Variants in MEI4 observed in about 807,000 individuals in gnomAD.
MEI4 encodes the protein meiotic double-stranded break formation protein 4, also known as meiosis-specific protein MEI4.
MEI4 carries 27 observed loss-of-function variants against 31.4 expected under a neutral mutation model. The ratio of observed to expected loss-of-function variants is 0.86; its 90% CI spans 0.63 to 1.19. The LOEUF is 1.19. MEI4 is among the 50% of genes most tolerant of loss of function. The pLI is 0.00. For synonymous variants in MEI4, 122 were observed against 145.4 expected (o/e 0.84, Z 1.16); for missense variants, 329 against 398.9 (o/e 0.82, Z 1.49).
intron 2 of MEI4, among the ~76,000 whole-genome samples, chr6:77,694,212 T>C (rs188534051): frequency 1.2e-3 from 186 of 152,092 alleles, no homozygotes; most frequent in African/African-American, 4.3e-3. Context: ...CAAATGTAAC[T>C]GGGTGCCTGG....
rs538643700 is a variant in MEI4, at chr6:77,917,742, C to A, written c.901-5347C>A. Among the ~76,000 whole-genome samples the A allele has an allele frequency of 9.0e-3, 1,352 of 149,902 alleles. 17 individuals are homozygous for A. The highest frequency in any genetic ancestry group is 0.031 in the African/African-American group (1,249 of 40,302). ...TGCCTGTTCACTCTGATGGTAGTTT[C>A]TTTTGCTGTGCAGAAGCTCTTTAGT... On this transcript the variant is annotated intron_variant, in intron 4 of 4. Coordinates refer to ENST00000684080, the MANE Select transcript of MEI4 (RefSeq NM_001322247.2).
intron 3 of MEI4, among the ~76,000 whole-genome samples, chr6:77,792,606 T>G (rs1768966959): frequency 6.6e-6 from 1 of 152,232 alleles, no homozygotes. Context: ...TTTTACATTT[T>G]TTGTCTTATG....
At chr6:77,714,840 T>G (rs115937542) in intron 2 of MEI4, among the ~76,000 whole-genome samples, 1 of 152,204 alleles carries the variant, frequency 6.6e-6, no homozygotes, top group Admixed American at 6.5e-5. Context: ...TCAACACTCA[T>G]GCAATATCAA....
intron 4 of MEI4, among the ~76,000 whole-genome samples, chr6:77,869,102 A>G (rs561630076): frequency 2.0e-5 from 3 of 152,270 alleles, no homozygotes; most frequent in African/African-American, 7.2e-5. Context: ...GATTTAGGTG[A>G]TGGGAATATT....
intron 4 of MEI4, among the ~76,000 whole-genome samples, chr6:77,921,762 G>T (rs1307980546): frequency 6.6e-6 from 1 of 151,772 alleles, no homozygotes; most frequent in Admixed American, 6.6e-5. Flanking sequence ...GGAGGCCTAA[G>T]GAGAGTAAGG....
intron 3 of MEI4, among the ~76,000 whole-genome samples, chr6:77,827,542 A>G (rs1769985085): frequency 6.6e-6 from 1 of 152,046 alleles, no homozygotes; most frequent in Non-Finnish European, 1.5e-5. Flanking sequence ...AGTACTTTTG[A>G]TTGGCAGAAC....
intron 1 of MEI4, among the ~76,000 whole-genome samples, chr6:77,672,825 A>G (rs895076047): frequency 2.0e-5 from 3 of 152,368 alleles, no homozygotes; most frequent in Middle Eastern, 3.4e-3. Context: ...GGCGTGAGCC[A>G]CCACGCCCAT....
chr6:77,839,011 C>A (rs1412542809), intron 4 of MEI4, among the ~76,000 whole-genome samples: 1 of 152,020 alleles, frequency 6.6e-6, no homozygotes, highest in Non-Finnish European at 1.5e-5. Context: ...ATACGTTTCT[C>A]ATTTTTTCCT....
At chr6:77,897,221 C>A (rs535861289) in intron 4 of MEI4, among the ~76,000 whole-genome samples, 1 of 152,000 alleles carries the variant, frequency 6.6e-6, no homozygotes, top group African/African-American at 2.4e-5. Context: ...AAGAGTGTTA[C>A]TTACAAAGTA....
chr6:77,684,180 A>AT (rs1250608075), intron 1 of MEI4, among the ~76,000 whole-genome samples: 2 of 117,334 alleles, frequency 1.7e-5, no homozygotes, highest in Non-Finnish European at 3.5e-5. Flanking sequence ...TCTTTTGAGA[A>AT]TTTTTTATTC....
chr6:77,665,162 A>G (rs1015470574), intron 1 of MEI4, among the ~76,000 whole-genome samples: 1 of 151,744 alleles, frequency 6.6e-6, no homozygotes, highest in Non-Finnish European at 1.5e-5. Context: ...GGGTGCAGAA[A>G]TAAGGAGTCG....
At chr6:77,695,549 G>A (rs1429050381) in intron 2 of MEI4, among the ~76,000 whole-genome samples, 1 of 152,102 alleles carries the variant, frequency 6.6e-6, no homozygotes, top group Non-Finnish European at 1.5e-5. Flanking sequence ...GTTTTTGTCA[G>A]GTTTGTCAAA....
chr6:77,858,383 CA>C (rs1286587388), intron 4 of MEI4, among the ~76,000 whole-genome samples: 1 of 151,866 alleles, frequency 6.6e-6, no homozygotes, highest in African/African-American at 2.4e-5. Context: ...TAATATTATT[CA>C]AAAAATAATT....
chr6:77,654,937 G>C (rs1768365555), intron 1 of MEI4, among the ~76,000 whole-genome samples: 1 of 151,914 alleles, frequency 6.6e-6, no homozygotes, highest in African/African-American at 2.4e-5. Flanking sequence ...TATATTTTAA[G>C]TTCTGGTATA....
chr6:77,728,134 TTAGA>T (rs78094136), intron 2 of MEI4, among the ~76,000 whole-genome samples: 42,563 of 151,890 alleles, frequency 0.28, 6,677 homozygotes, highest in South Asian at 0.38. Context: ...AACATTCAAT[TTAGA>T]TAGATGTTTA....
chr6:77,837,091 C>T (rs1473782860), intron 4 of MEI4, among the ~76,000 whole-genome samples: 3 of 152,082 alleles, frequency 2.0e-5, no homozygotes, highest in African/African-American at 7.2e-5. Context: ...TCACTGAATG[C>T]CTTTTTGAAA....
chr6:77,692,634 G>T (rs1468892132), intron 2 of MEI4, among the ~76,000 whole-genome samples: 1 of 152,050 alleles, frequency 6.6e-6, no homozygotes, highest in Non-Finnish European at 1.5e-5. Context: ...AGACATTTAT[G>T]AATGGTTTCA....
chr6:77,830,453 AGTG>A (rs1270704746), intron 4 of MEI4, among the ~76,000 whole-genome samples: 1 of 152,106 alleles, frequency 6.6e-6, no homozygotes, highest in Non-Finnish European at 1.5e-5. Flanking sequence ...AAAACATTAG[AGTG>A]GTGAAGTAGC....
rs201320364 is a variant in MEI4 at position 77,917,808 on chromosome 6, T to G, written c.901-5281T>G. ...TTGTCAATTTTGTCTTTTCTTGCCATTGCTTTTGGTGTTTTGGACATGAAG... is the reference window on the plus strand; with the variant it reads ...TTGTCAATTTTGTCTTTTCTTGCCAGTGCTTTTGGTGTTTTGGACATGAAG... On this transcript the variant is annotated intron_variant, in intron 4 of 4. Coordinates refer to ENST00000684080, the MANE Select transcript of MEI4 (RefSeq NM_001322247.2). Among the ~76,000 whole-genome samples the G allele has an allele frequency of 1.1e-4, 17 of 151,162 alleles. No homozygotes were observed. The East Asian group carries it at 2.4e-3, about 21-fold the overall frequency.
Sources: allele counts gnomAD v4.1 joint callset (sites outside exome capture counted in the v4.1 genomes callset), GRCh38; gene constraint gnomAD v4.1.1; transcripts MANE v1.5; gene names NCBI Gene and HGNC (gene_info 2026-07-23, HGNC 2026-07-21).